The following MAGI2 variants were observed in gnomAD, a reference collection of about 807,000 sequenced individuals.
MAGI2 encodes the protein membrane-associated guanylate kinase, WW and PDZ domain-containing protein 2.
In MAGI2, 35 loss-of-function variants were observed where a neutral mutation model predicts 133.3. The ratio of observed to expected loss-of-function variants is 0.26; its 90% CI spans 0.20 to 0.35. MAGI2 has a LOEUF of 0.35. Ranked by LOEUF, MAGI2 falls within the 10% of genes least tolerant of loss-of-function variation. The pLI is 1.00. For synonymous variants in MAGI2, 729 were observed against 710.6 expected (o/e 1.03, Z -0.41); for missense variants, 1,636 against 1,863.4 (o/e 0.88, Z 2.25).
chr7:78,897,886 G>A (rs1310166811), intron 2 of MAGI2, among the ~76,000 whole-genome samples: 7 of 152,116 alleles, frequency 4.6e-5, no homozygotes. Flanking sequence ...CTTCTGAAGA[G>A]CAAAAGAAAG....
intron 1 of MAGI2, among the ~76,000 whole-genome samples, chr7:79,037,433 A>G (rs1811232176): frequency 6.6e-6 from 1 of 152,142 alleles, no homozygotes; most frequent in African/African-American, 2.4e-5. Context: ...GAACTTGACC[A>G]GGGCTAACAC....
At chr7:78,741,071 TC>T (rs1359395065) in intron 2 of MAGI2, among the ~76,000 whole-genome samples, 2 of 152,228 alleles carry the variant, frequency 1.3e-5, no homozygotes, top group African/African-American at 4.8e-5. Flanking sequence ...CCATTTTTTT[TC>T]CATCCGGGAG....
At chr7:78,955,732 T>TCTTCCTTC (rs1562712851) in intron 2 of MAGI2, among the ~76,000 whole-genome samples, 1 of 33,698 alleles carries the variant, frequency 3.0e-5, no homozygotes, top group African/African-American at 9.1e-5. Context: ...TCTCTTTCTT[T>TCTTCCTTC]CTTTCTTTCT....
intron 3 of MAGI2, among the ~76,000 whole-genome samples, chr7:78,552,176 CTTTT>C (rs869196799): frequency 2.4e-4 from 22 of 90,340 alleles, no homozygotes; most frequent in African/African-American, 8.0e-4. Context: ...ATTTGTTTTC[CTTTT>C]TTTTTTTTTT....
At chr7:79,438,188 G>A (rs766948613) in intron 1 of MAGI2, among the ~76,000 whole-genome samples, 12 of 152,262 alleles carry the variant, frequency 7.9e-5, no homozygotes, top group Admixed American at 3.3e-4. Context: ...AAAAATGTTT[G>A]TCAATCAGAA....
chr7:78,604,475 G>A lies in MAGI2; in HGVS notation c.538+22645C>T, dbSNP rs532763852. Among the ~76,000 whole-genome samples the A allele has an allele frequency of 6.4e-4, 98 of 152,152 alleles. 1 individual carries two copies. In the South Asian group the frequency reaches 0.017, roughly 26 times the overall value. Reference sequence around the variant, plus strand: ...CCCATACTGAATCCCATTATCTCCCGTCCCAGACAAATGTTCTAATGTAAT... The same window carrying A: ...CCCATACTGAATCCCATTATCTCCCATCCCAGACAAATGTTCTAATGTAAT... On this transcript the variant is annotated intron_variant, in intron 3 of 21. Coordinates refer to ENST00000354212, the MANE Select transcript of MAGI2 (RefSeq NM_012301.4).
At chr7:78,991,503 CA>C (rs756436597) in intron 2 of MAGI2, among the ~76,000 whole-genome samples, 1 of 151,418 alleles carries the variant, frequency 6.6e-6, no homozygotes, top group Non-Finnish European at 1.5e-5. Flanking sequence ...GTCTTATAAT[CA>C]AGATAAAAAC....
intron 1 of MAGI2, among the ~76,000 whole-genome samples, chr7:79,442,323 T>C (rs1391912800): frequency 6.6e-6 from 1 of 152,206 alleles, no homozygotes; most frequent in African/African-American, 2.4e-5. Context: ...GCTTTCCAGC[T>C]TGATTTGTCA....
chr7:78,750,036 C>A (rs986543246), intron 2 of MAGI2, among the ~76,000 whole-genome samples: 10 of 152,074 alleles, frequency 6.6e-5, no homozygotes, highest in Admixed American at 5.9e-4. Context: ...CTCCTCTAGC[C>A]CCCAACCCCG....
rs1004150027 is a variant in MAGI2 at position 78,835,791 on chromosome 7, A to G, written c.418+171299T>C. On this transcript the variant is annotated intron_variant, in intron 2 of 21. Transcript: ENST00000354212. Reference sequence around the variant, plus strand: ...CTTAATACATTTATGGTTCCATTTTATTTATGGAAATAATTTCCTATGACC... The same window carrying G: ...CTTAATACATTTATGGTTCCATTTTGTTTATGGAAATAATTTCCTATGACC... Among the ~76,000 whole-genome samples, 4 of 152,184 alleles carry G rather than the reference A, an allele frequency of 2.6e-5. No homozygotes were observed. In the East Asian group the frequency reaches 5.8e-4, roughly 22 times the overall value.
intron 1 of MAGI2, among the ~76,000 whole-genome samples, chr7:79,246,345 G>C (rs1192592666): frequency 6.6e-6 from 1 of 152,154 alleles, no homozygotes; most frequent in Non-Finnish European, 1.5e-5. Context: ...GAGAGATGTG[G>C]TCTCTCAGAG....
At chr7:78,070,412 G>T (rs1040989597) in intron 21 of MAGI2, among the ~76,000 whole-genome samples, 4 of 147,550 alleles carry the variant, frequency 2.7e-5, no homozygotes, top group Admixed American at 6.8e-5. Context: ...CCCTATGTGT[G>T]TGTGTATATA....
intron 1 of MAGI2, among the ~76,000 whole-genome samples, chr7:79,112,289 A>G (rs1332733981): frequency 6.6e-6 from 1 of 152,146 alleles, no homozygotes; most frequent in Admixed American, 6.5e-5. Flanking sequence ...GGGCAAGTCT[A>G]TTCGCAAATA....
At chr7:78,076,775 A>G (rs1413479344) in intron 21 of MAGI2, among the ~76,000 whole-genome samples, 17 of 140,184 alleles carry the variant, frequency 1.2e-4, no homozygotes, top group African/African-American at 1.6e-4. Flanking sequence ...GAACCCGGGA[A>G]GCGGAGCTTG....
At chr7:78,422,892 C>T (rs760175125) in intron 6 of MAGI2, among the ~76,000 whole-genome samples, 3 of 152,178 alleles carry the variant, frequency 2.0e-5, no homozygotes, top group Non-Finnish European at 2.9e-5. Context: ...GCTTTTTGCT[C>T]TCCCAAAGAA....
intron 1 of MAGI2, among the ~76,000 whole-genome samples, chr7:79,396,171 C>A (rs1845041655): frequency 6.6e-6 from 1 of 151,994 alleles, no homozygotes; most frequent in African/African-American, 2.4e-5. Context: ...ATTGCATTTG[C>A]CAGCATCCTT....
chr7:79,135,790 A>T (rs1180811460), intron 1 of MAGI2, among the ~76,000 whole-genome samples: 1 of 151,550 alleles, frequency 6.6e-6, no homozygotes, highest in South Asian at 2.1e-4. Flanking sequence ...AAATTTAAAA[A>T]ATTAGCTGGG....
chr7:78,202,641 C>T (rs1048240987), intron 10 of MAGI2, among the ~76,000 whole-genome samples: 2 of 138,638 alleles, frequency 1.4e-5, no homozygotes, highest in African/African-American at 5.3e-5. Context: ...CAAGATCCCG[C>T]CACTGTACTC....
chr7:79,018,201 C>T (rs149188995), intron 1 of MAGI2, among the ~76,000 whole-genome samples: 75 of 152,136 alleles, frequency 4.9e-4, no homozygotes, highest in African/African-American at 1.6e-3. Context: ...AACACTAGTC[C>T]TGTCATCAGA....
Sources: gnomAD v4.1 joint callset for allele counts (sites outside exome capture counted in the v4.1 genomes callset) on GRCh38, gnomAD v4.1.1 for gene constraint, MANE v1.5 for transcripts, NCBI Gene and HGNC (gene_info 2026-07-23, HGNC 2026-07-21) for gene names.